TTC19: variants seen among roughly 807,000 people sequenced by gnomAD.
The protein encoded by TTC19 is tetratricopeptide repeat protein 19, mitochondrial.
TTC19 carries 38 observed loss-of-function variants against 49.5 expected under a neutral mutation model. The ratio of observed to expected loss-of-function variants is 0.77; its 90% CI spans 0.59 to 1.01. TTC19 has a LOEUF of 1.01. Ranked by LOEUF, TTC19 falls within the 50% of genes least tolerant of loss-of-function variation. TTC19 has a pLI of 0.00. For synonymous variants in TTC19, 204 were observed against 185.2 expected (o/e 1.10, Z -0.83); for missense variants, 475 against 477.7 (o/e 0.99, Z 0.05).
intron 7 of TTC19, among the ~76,000 whole-genome samples, chr17:16,016,382 A>G (rs1012542944): frequency 6.6e-6 from 1 of 151,886 alleles, no homozygotes; most frequent in African/African-American, 2.4e-5. Context: ...ATTTATTGAG[A>G]TTTGTTGTAT....
At chr17:16,038,794 C>T (rs1175414344) in intron 2 of TTC19, among the ~76,000 whole-genome samples, 3 of 151,602 alleles carry the variant, frequency 2.0e-5, no homozygotes, top group Admixed American at 6.6e-5. Flanking sequence ...TATTTTGAGA[C>T]GGAGTCTCAC....
chr17:16,002,665 G>A (rs780068390), intron 3 of TTC19, 128 bp from the exon 4 acceptor site: 5 of 820,818 alleles, frequency 6.1e-6, no homozygotes, highest in Non-Finnish European at 1.1e-5. Flanking sequence ...AGATTAATTG[G>A]TGATGTGCTT....
intron 3 of TTC19, 50 bp downstream of exon 3, chr17:16,002,075 G>C: frequency 8.1e-7 from 1 of 1,230,452 alleles, no homozygotes; most frequent in Middle Eastern, 1.9e-4. Flanking sequence ...TTGGATGGGA[G>C]GGAAGGGTAG....
At chr17:16,037,000 T>C (rs1043228006) in intron 2 of TTC19, among the ~76,000 whole-genome samples, 1 of 152,276 alleles carries the variant, frequency 6.6e-6, no homozygotes, top group South Asian at 2.1e-4. Flanking sequence ...AGCTTAATCA[T>C]TTCTAACTTT....
At chr17:16,019,791 G>A (rs952635781) in intron 7 of TTC19, among the ~76,000 whole-genome samples, 8 of 152,200 alleles carry the variant, frequency 5.3e-5, no homozygotes, top group African/African-American at 1.4e-4. Context: ...GTGCACACCT[G>A]GAATATTACA....
chr17:16,023,977 CCT>C (rs1427258406), intron 7 of TTC19: 1 of 152,172 alleles, frequency 6.6e-6, no homozygotes, highest in Non-Finnish European at 1.5e-5. Context: ...TCTAAGGTAA[CCT>C]CTTTTTCTAG....
At chr17:16,012,637 C>T (rs987036074) in intron 7 of TTC19, among the ~76,000 whole-genome samples, 1 of 152,058 alleles carries the variant, frequency 6.6e-6, no homozygotes, top group Non-Finnish European at 1.5e-5. Flanking sequence ...CTCCTGGGTT[C>T]AAGTGATTCT....
At chr17:16,024,755 TTTTCA>T in intron 7 of TTC19, 1 of 475,184 alleles carries the variant, frequency 2.1e-6, no homozygotes, top group Non-Finnish European at 3.8e-6. Context: ...TTTGGGTTTA[TTTTCA>T]TTTGTTTCTG....
chr17:16,000,031 A>G lies in TTC19; in HGVS notation c.183A>G (p.Ala61=). ...GCCCAGGCCTGCTGCCGCTGCTGGCAGGTGAGGGGCGCGGGCCGGGCGGGG... is the reference window on the plus strand; with the variant it reads ...GCCCAGGCCTGCTGCCGCTGCTGGCGGGTGAGGGGCGCGGGCCGGGCGGGG... ...GRGPGLLPLL[A]ALAWFSRPAA... Residue 61 remains alanine, a splice_region_variant and synonymous_variant, in exon 1 of 10, where the codon GCA becomes GCG. Transcript: ENST00000261647. The G allele has an allele frequency of 8.0e-7, 1 of 1,244,752 alleles. No homozygotes were observed. The highest frequency in any genetic ancestry group is 2.9e-5 in the South Asian group (1 of 34,382). The allele number at this position is 1,244,752 out of a possible 1,614,324, so 77.1% of individuals were successfully genotyped here. A position where few individuals can be genotyped will look rare whatever the true frequency, so the allele number is the denominator to read the frequency against.
intron 7 of TTC19, among the ~76,000 whole-genome samples, chr17:16,017,009 ATCT>A (rs1971235576): frequency 6.6e-6 from 1 of 152,106 alleles, no homozygotes; most frequent in African/African-American, 2.4e-5. Context: ...ATTTTTTAAA[ATCT>A]TCTTTCTTTA....
chr17:16,040,651 T>A (rs1278156729), intron 2 of TTC19: 2 of 729,492 alleles, frequency 2.7e-6, no homozygotes, highest in South Asian at 3.2e-5. Flanking sequence ...TGGAAGTATT[T>A]TTTTTTTTTG....
chr17:16,042,525 A>AT (rs1477716661), intron 2 of TTC19, among the ~76,000 whole-genome samples: 5 of 152,204 alleles, frequency 3.3e-5, no homozygotes, highest in Admixed American at 6.5e-5. Flanking sequence ...AGCTTAGTAA[A>AT]TTTTCTACAT....
chr17:16,026,150 A>G (rs1361467112), intron 8 of TTC19, among the ~76,000 whole-genome samples: 3 of 119,116 alleles, frequency 2.5e-5, no homozygotes, highest in African/African-American at 7.8e-5. Flanking sequence ...CAGGAACAAC[A>G]TAATACAGTG....
At chr17:16,011,423 C>T (rs550193017) in intron 7 of TTC19, among the ~76,000 whole-genome samples, 21 of 152,106 alleles carry the variant, frequency 1.4e-4, no homozygotes, top group African/African-American at 4.8e-4. Context: ...TCCACCCGCC[C>T]CAGCCTCCCC....
chr17:16,032,308 A>C (rs1199397979), downstream of TTC19: 1 of 1,612,738 alleles, frequency 6.2e-7, no homozygotes, highest in East Asian at 2.2e-5. Context: ...AGTCATCACT[A>C]TCCGACAGGG....
chr17:15,999,856 G>A lies in TTC19; in HGVS notation c.8G>A (p.Arg3Gln), dbSNP rs1597446415. 2.0e-6 allele frequency: 3 copies of A among 1,514,648 alleles called. No individual in the cohort carries two copies. The highest frequency in any genetic ancestry group is 8.8e-7 in the Non-Finnish European group (1 of 1,138,734). 93.8% of individuals were successfully genotyped at this position (1,514,648 alleles called of 1,614,324 possible). A position where few individuals can be genotyped will look rare whatever the true frequency, so the allele number is the denominator to read the frequency against. Residue 3 changes from arginine to glutamine, a missense_variant, in exon 1 of 10, where the codon CGG becomes CAG. Physicochemically the swap from Arg to Gln is conservative, Grantham distance 43. Transcript: ENST00000261647. MF[R>Q]LLSWSLGRGF... is the part of the protein sequence containing the mutation. The stretch of plus-strand genomic sequence containing the variant: ...AGAGGACGCGGCGGGAGCATGTTCC[G>A]GCTCCTGAGCTGGAGCCTGGGCCGA...
Position 16,016,464 on chromosome 17 carries a change from A to C in TTC19, c.677-8553A>C, listed in dbSNP as rs564427738. 2.6e-5 allele frequency among the ~76,000 whole-genome samples: 4 copies of C among 151,000 alleles called. No individual in the cohort carries two copies. In the East Asian group the frequency reaches 5.9e-4, roughly 22 times the overall value. On this transcript the variant is annotated intron_variant, in intron 7 of 9. Transcript: ENST00000261647. ...GAAGTATGTGTATTCTGTTGAATGG[A>C]GTTTTCTATGAATGTCTGTTAGGTC... is the stretch of plus-strand genomic sequence containing the variant.
chr17:16,017,755 C>G (rs1597462008), intron 7 of TTC19, among the ~76,000 whole-genome samples: 1 of 152,160 alleles, frequency 6.6e-6, no homozygotes, highest in East Asian at 1.9e-4. Context: ...GAGCGAAACT[C>G]CATCTCAAAC....
chr17:16,027,243 G>A, intron 9 of TTC19, 131 bp from the exon 10 acceptor site: 1 of 1,046,656 alleles, frequency 9.6e-7, no homozygotes, highest in African/African-American at 1.6e-5. Flanking sequence ...GATGAAATGA[G>A]GCAGCACCAG....
Sources: allele counts gnomAD v4.1 joint callset (sites outside exome capture counted in the v4.1 genomes callset), GRCh38; gene constraint gnomAD v4.1.1; transcripts MANE v1.5; gene names NCBI Gene and HGNC (gene_info 2026-07-23, HGNC 2026-07-21).